The following ZNF407 variants were observed in gnomAD, a reference collection of about 807,000 sequenced individuals.
ZNF407 encodes the protein zinc finger protein 407.
Under a neutral mutation model 131.2 loss-of-function variants are expected in ZNF407, and 17 were observed. The observed-to-expected ratio is 0.13, with a 90% confidence interval of 0.09 to 0.19. ZNF407 has a LOEUF of 0.19. Among genes scored for constraint, ZNF407 ranks in the 10% least tolerant of loss-of-function variants. The probability of loss-of-function intolerance (pLI) is 1.00; values close to 1 mark genes in which losing one functional copy is unlikely to be tolerated. For missense variants in ZNF407, 2,681 were observed against 2,830.6 expected (o/e 0.95, Z 1.20); for synonymous variants, 1,156 against 1,062.0 (o/e 1.09, Z -1.72).
chr18:74,869,274 C>T (rs1194973414), intron 4 of ZNF407, among the ~76,000 whole-genome samples: 1 of 152,114 alleles, frequency 6.6e-6, no homozygotes, highest in Non-Finnish European at 1.5e-5. Context: ...TAACCTGAAG[C>T]AATAAAATTT....
chr18:74,849,276 C>T (rs1435100850), intron 4 of ZNF407, among the ~76,000 whole-genome samples: 2 of 151,826 alleles, frequency 1.3e-5, no homozygotes, highest in Non-Finnish European at 2.9e-5. Flanking sequence ...TACGGGGTTT[C>T]GCTATATTGG....
At chr18:75,021,292 A>G (rs1973107286) in intron 8 of ZNF407, among the ~76,000 whole-genome samples, 1 of 152,008 alleles carries the variant, frequency 6.6e-6, no homozygotes, top group Admixed American at 6.6e-5. Flanking sequence ...TAATAAAGAC[A>G]GGGTCCTGCT....
At chr18:74,887,464 AC>A (rs1225012352) in intron 6 of ZNF407, among the ~76,000 whole-genome samples, 2 of 152,134 alleles carry the variant, frequency 1.3e-5, no homozygotes, top group Non-Finnish European at 2.9e-5. Context: ...TTAAAAAAAA[AC>A]ATAAGAATAA....
chr18:74,751,337 A>G lies in ZNF407; in HGVS notation c.4803-30091A>G, dbSNP rs1156243431. 2.6e-5 allele frequency among the ~76,000 whole-genome samples: 4 copies of G among 152,218 alleles called. No individual in the cohort carries two copies. The East Asian group carries it at 7.7e-4, about 29-fold the overall frequency. ...TTCTAATGTGGCTACGCACGTCTCA[A>G]TACCATTTGTTGAAAAGTCTATTCT... On this transcript the variant is annotated intron_variant, in intron 3 of 8. Coordinates refer to ENST00000299687, the MANE Select transcript of ZNF407 (RefSeq NM_017757.3).
In ZNF407 at chr18:74,942,918, C is replaced by CT. The variant is rs11331408; in HGVS notation, c.5428+22237dup. Among the ~76,000 whole-genome samples, 673 of 147,718 alleles carry CT rather than the reference C, an allele frequency of 4.6e-3. 3 individuals carry two copies. The highest frequency in any genetic ancestry group is 5.9e-3 in the Non-Finnish European group (393 of 66,580). On this transcript the variant is annotated intron_variant, in intron 8 of 8. Coordinates refer to ENST00000299687, the MANE Select transcript of ZNF407 (RefSeq NM_017757.3). Reference sequence around the variant, plus strand: ...TTTATTTATTTATTTTTTATTTTATCTTTTTTTTTTTGTTTGAGATGGGAG... The same window carrying CT: ...TTTATTTATTTATTTTTTATTTTATCTTTTTTTTTTTTGTTTGAGATGGGAG...
At chr18:75,013,972 A>C (rs1381261670) in intron 8 of ZNF407, among the ~76,000 whole-genome samples, 1 of 152,088 alleles carries the variant, frequency 6.6e-6, no homozygotes, top group African/African-American at 2.4e-5. Flanking sequence ...GTCACCAAAA[A>C]GTCTTAAGAT....
chr18:74,925,952 T>A (rs1971907552), intron 8 of ZNF407, among the ~76,000 whole-genome samples: 1 of 152,226 alleles, frequency 6.6e-6, no homozygotes, highest in African/African-American at 2.4e-5. Context: ...CTCCTCTCTT[T>A]CGTGTTAACC....
chr18:74,786,793 GTTTTTTTTTTT>G (rs869103622), intron 4 of ZNF407, among the ~76,000 whole-genome samples: 1 of 89,348 alleles, frequency 1.1e-5, no homozygotes, highest in Admixed American at 1.4e-4. Flanking sequence ...AAAAAAGTAT[GTTTTTTTTTTT>G]TTTTTTTTTT....
Position 74,631,739 on chromosome 18 carries a change from A to G in ZNF407, c.720A>G (p.Pro240=), listed in dbSNP as rs774744706. The G allele has an allele frequency of 1.2e-6, 2 of 1,614,076 alleles. No homozygotes were observed. Among genetic ancestry groups the G allele is most frequent in the Non-Finnish European group, 1.7e-6 (2 of 1,179,908 alleles). The part of the protein sequence containing the change: ...LHMHIKQAHG[P]QKVFSCDLCG... ...TGCATATCAAACAAGCACATGGGCC[A>G]CAGAAGGTCTTTTCCTGTGATCTTT... is the stretch of plus-strand genomic sequence containing the variant. Residue 240 remains proline (P), a synonymous_variant, in exon 2 of 9, where the codon CCA becomes CCG. Transcript: ENST00000299687.
At chr18:74,842,327 T>C (rs1406144594) in intron 4 of ZNF407, among the ~76,000 whole-genome samples, 1 of 152,216 alleles carries the variant, frequency 6.6e-6, no homozygotes, top group Admixed American at 6.5e-5. Context: ...TGAAACTCCA[T>C]TATAACATTG....
chr18:75,029,652 C>T (rs1474460995), intron 8 of ZNF407, among the ~76,000 whole-genome samples: 1 of 152,196 alleles, frequency 6.6e-6, no homozygotes, highest in Admixed American at 6.5e-5. Context: ...TGTGCATGCG[C>T]AGGGCATGCG....
intron 4 of ZNF407, among the ~76,000 whole-genome samples, chr18:74,798,209 A>AACACAAACAC (rs1555689648): frequency 3.0e-4 from 45 of 147,932 alleles, no homozygotes; most frequent in South Asian, 1.1e-3. Flanking sequence ...CCTTTACACA[A>AACACAAACAC]ACACACACAC....
chr18:74,637,297 G>A lies in ZNF407; in HGVS notation c.4687+1591G>A, dbSNP rs188438978. Reference sequence around the variant, plus strand: ...TTACAATGCAAAATAGGTTTGCACTGGTCACTTGTGCCATTTGAAAATGTC... The same window carrying A: ...TTACAATGCAAAATAGGTTTGCACTAGTCACTTGTGCCATTTGAAAATGTC... On this transcript the variant is annotated intron_variant, in intron 2 of 8. Transcript: ENST00000299687. 3.2e-3 allele frequency among the ~76,000 whole-genome samples: 483 copies of A among 152,254 alleles called. 6 individuals are homozygous for A. Among genetic ancestry groups the A allele is most frequent in the African/African-American group, 0.01 (431 of 41,556 alleles).
At chr18:74,826,680 T>G (rs1012770493) in intron 4 of ZNF407, among the ~76,000 whole-genome samples, 1 of 152,172 alleles carries the variant, frequency 6.6e-6, no homozygotes, top group Admixed American at 6.5e-5. Flanking sequence ...TTATTAGTAC[T>G]TAGTGTCCCA....
At chr18:74,725,962 T>C (rs12961207) in intron 3 of ZNF407, among the ~76,000 whole-genome samples, 12,536 of 152,214 alleles carry the variant, frequency 0.082, 683 homozygotes, top group African/African-American at 0.16. Context: ...TGTAATGTTT[T>C]TGATATTGCC....
chr18:74,950,362 G>A (rs1972200116), intron 8 of ZNF407, among the ~76,000 whole-genome samples: 1 of 152,202 alleles, frequency 6.6e-6, no homozygotes, highest in African/African-American at 2.4e-5. Context: ...AAAAATCAAT[G>A]CAGTCTTAGT....
chr18:74,834,841 C>T (rs1970533530), intron 4 of ZNF407, among the ~76,000 whole-genome samples: 2 of 152,170 alleles, frequency 1.3e-5, no homozygotes. Context: ...TGTTAGATGC[C>T]TTCCAGAGTT....
chr18:74,967,804 T>C (rs1972426108), intron 8 of ZNF407, among the ~76,000 whole-genome samples: 1 of 152,252 alleles, frequency 6.6e-6, no homozygotes, highest in South Asian at 2.1e-4. Flanking sequence ...TGCTGTTTCT[T>C]AAAATTGACA....
chr18:74,889,423 A>AT (rs1256052717), intron 6 of ZNF407, among the ~76,000 whole-genome samples: 3 of 152,084 alleles, frequency 2.0e-5, no homozygotes, highest in South Asian at 4.2e-4. Context: ...AATACAGTAT[A>AT]TTTTTTGTTG....
Sources: allele counts gnomAD v4.1 joint callset (sites outside exome capture counted in the v4.1 genomes callset), GRCh38; gene constraint gnomAD v4.1.1; transcripts MANE v1.5; gene names NCBI Gene and HGNC (gene_info 2026-07-23, HGNC 2026-07-21).